Variants in ARHGEF10 observed in about 807,000 individuals in gnomAD.
ARHGEF10 encodes Rho guanine nucleotide exchange factor (GEF) 10.
In ARHGEF10, 140 loss-of-function variants were observed where a neutral mutation model predicts 147.4. That is an observed-to-expected ratio of 0.95 (90% confidence interval 0.83 to 1.09). ARHGEF10 has a LOEUF of 1.09. Ranked by LOEUF, ARHGEF10 falls within the 50% of genes least tolerant of loss-of-function variation. The probability of loss-of-function intolerance (pLI) is 0.00; values close to 1 mark genes in which losing one functional copy is unlikely to be tolerated. For synonymous variants in ARHGEF10, 902 were observed against 695.8 expected (o/e 1.30, Z -4.67); for missense variants, 2,222 against 1,752.7 (o/e 1.27, Z -4.78).
intron 1 of ARHGEF10, among the ~76,000 whole-genome samples, chr8:1,835,094 C>T (rs1194974672): frequency 6.6e-6 from 1 of 152,244 alleles, no homozygotes; most frequent in Non-Finnish European, 1.5e-5. Flanking sequence ...GGCACTGGGA[C>T]ATCCCACGCT....
At chr8:1,929,046 G>A (rs1385193089) in intron 24 of ARHGEF10, among the ~76,000 whole-genome samples, 1 of 152,134 alleles carries the variant, frequency 6.6e-6, no homozygotes, top group African/African-American at 2.4e-5. Flanking sequence ...TTCCTGATGT[G>A]AAGTTCCAAG....
Position 1,955,084 on chromosome 8 carries a change from CA to C in ARHGEF10, c.3521-1664del, listed in dbSNP as rs1316347625. Among the ~76,000 whole-genome samples the C allele has an allele frequency of 9.8e-5, 10 of 102,550 alleles. 1 individual carries two copies. The Admixed American group carries it at 1.0e-3, about 11-fold the overall frequency. 67.3% of individuals were successfully genotyped at this position (102,550 alleles called of 152,430 possible). On this transcript the variant is annotated intron_variant, in intron 28 of 28. Coordinates refer to ENST00000349830, the MANE Select transcript of ARHGEF10 (RefSeq NM_014629.4). ...TGCTCCCTGAAAGGAGGTGCACTCT[CA>C]CTGTTCCTCTGGAGGATAGCCAGGT...
chr8:1,873,425 T>C (rs1482762350), intron 7 of ARHGEF10, among the ~76,000 whole-genome samples: 4 of 144,464 alleles, frequency 2.8e-5, no homozygotes, highest in African/African-American at 5.1e-5. Flanking sequence ...TCAAGTTGCA[T>C]TGAGAGGAGC....
intron 14 of ARHGEF10, among the ~76,000 whole-genome samples, chr8:1,897,750 T>C (rs185305900): frequency 2.8e-4 from 43 of 152,326 alleles, no homozygotes; most frequent in African/African-American, 8.4e-4. Context: ...GGGATTTTGC[T>C]GTACTCCCAT....
chr8:1,913,732 G>A (rs36033774), intron 18 of ARHGEF10, among the ~76,000 whole-genome samples: 9,410 of 152,290 alleles, frequency 0.062, 307 homozygotes, highest in African/African-American at 0.081. Flanking sequence ...CACTCAGACC[G>A]CCCTGCTCTG....
chr8:1,923,278 A>T, intron 19 of ARHGEF10, 190 bp from the exon 20 acceptor site: 2 of 958,928 alleles, frequency 2.1e-6, no homozygotes, highest in Non-Finnish European at 1.6e-6. Context: ...AATAGGGTTT[A>T]ATATCAGTTC....
intron 10 of ARHGEF10, among the ~76,000 whole-genome samples, chr8:1,883,554 T>C (rs984730276): frequency 1.3e-5 from 2 of 152,158 alleles, no homozygotes; most frequent in Non-Finnish European, 2.9e-5. Flanking sequence ...GTGTAATTGG[T>C]ATGACATGGT....
At chr8:1,952,538 G>C (rs1446840659) in intron 27 of ARHGEF10, among the ~76,000 whole-genome samples, 167 bp from the exon 28 acceptor site, 1 of 152,208 alleles carries the variant, frequency 6.6e-6, no homozygotes, top group Non-Finnish European at 1.5e-5. Context: ...TTGCTCATGT[G>C]GTTGAGGGAG....
In ARHGEF10 at chr8:1,833,073, G is replaced by A. The variant is rs62648753; in HGVS notation, c.-48+8960G>A. 8.1e-4 allele frequency among the ~76,000 whole-genome samples: 5 copies of A among 6,186 alleles called. 1 individual carries two copies. Among genetic ancestry groups the A allele is most frequent in the Non-Finnish European group, 1.2e-3 (3 of 2,406 alleles). 4.1% of individuals were successfully genotyped at this position (6,186 alleles called of 152,430 possible). A position where few individuals can be genotyped will look rare whatever the true frequency, so the allele number is the denominator to read the frequency against. ...AGAGGCAGAGAGAGACAGAGACAGA[G>A]GCAGAGAGACAGAGACAGAGGCAGA... On this transcript the variant is annotated intron_variant, in intron 1 of 28. Transcript: ENST00000349830.
intron 7 of ARHGEF10, among the ~76,000 whole-genome samples, chr8:1,871,858 G>A (rs1235744954): frequency 6.6e-6 from 1 of 152,148 alleles, no homozygotes; most frequent in African/African-American, 2.4e-5. Context: ...AGTGAACTGA[G>A]TATCCAGCCA....
intron 7 of ARHGEF10, chr8:1,871,111 T>TAAAAAAAAA (rs1227276003): frequency 2.2e-5 from 1 of 45,562 alleles, no homozygotes; most frequent in Admixed American, 2.3e-4. Context: ...AAACTCTGTG[T>TAAAAAAAAA]CAAAAAAAAA....
At chr8:1,839,603 T>C (rs111162133) in intron 1 of ARHGEF10, among the ~76,000 whole-genome samples, 8 of 119,904 alleles carry the variant, frequency 6.7e-5, no homozygotes, top group African/African-American at 1.1e-4. Context: ...TGGGACTGTC[T>C]GCTGTGGGGA....
intron 2 of ARHGEF10, among the ~76,000 whole-genome samples, chr8:1,848,656 G>C (rs1333855452): frequency 6.6e-6 from 1 of 152,160 alleles, no homozygotes; most frequent in Non-Finnish European, 1.5e-5. Flanking sequence ...AAATTACAAT[G>C]CATGTTAATT....
intron 25 of ARHGEF10, 37 bp downstream of exon 25, chr8:1,929,480 G>A (rs770811200): frequency 1.3e-6 from 2 of 1,577,498 alleles, no homozygotes; most frequent in Non-Finnish European, 1.7e-6. Context: ...CCGGTCCTTG[G>A]GGTTCACTCA....
At chr8:1,945,440 C>G (rs1814487237) in intron 26 of ARHGEF10, 41 bp from the exon 27 acceptor site, 1 of 1,555,934 alleles carries the variant, frequency 6.4e-7, no homozygotes, top group South Asian at 1.2e-5. Context: ...CACTCAGACT[C>G]ACTCCACGGG....
At chr8:1,925,102 C>G (rs775738257) in intron 21 of ARHGEF10, among the ~76,000 whole-genome samples, 181 bp from the exon 22 acceptor site, 1 of 152,156 alleles carries the variant, frequency 6.6e-6, no homozygotes, top group Non-Finnish European at 1.5e-5. Flanking sequence ...AATAATGCCA[C>G]GAATATACAG....
At chr8:1,905,187 C>T (rs913496723) in intron 16 of ARHGEF10, among the ~76,000 whole-genome samples, 3 of 152,168 alleles carry the variant, frequency 2.0e-5, no homozygotes, top group Non-Finnish European at 1.5e-5. Flanking sequence ...TGTCTTGGTT[C>T]ATACAAAGCG....
chr8:1,929,518 C>G (rs1228992201), intron 25 of ARHGEF10, 75 bp downstream of exon 25: 1 of 1,498,056 alleles, frequency 6.7e-7, no homozygotes, highest in Non-Finnish European at 8.9e-7. Flanking sequence ...TTTAGCCTCC[C>G]CACCTCCCCA....
chr8:1,833,047 CAG>C (rs775246995), intron 1 of ARHGEF10, among the ~76,000 whole-genome samples: 1 of 14,618 alleles, frequency 6.8e-5, no homozygotes. Context: ...GAGACAGAGA[CAG>C]AGGCAGAGAG....
Sources: gnomAD v4.1 joint callset for allele counts (sites outside exome capture counted in the v4.1 genomes callset) on GRCh38, gnomAD v4.1.1 for gene constraint, MANE v1.5 for transcripts, NCBI Gene and HGNC (gene_info 2026-07-23, HGNC 2026-07-21) for gene names.